The following MAN2A1 variants were observed in gnomAD, a reference collection of about 807,000 sequenced individuals.
MAN2A1 encodes alpha-mannosidase 2.
Under a neutral mutation model 142.6 loss-of-function variants are expected in MAN2A1, and 76 were observed. The ratio of observed to expected loss-of-function variants is 0.53; its 90% CI spans 0.44 to 0.65. The LOEUF (loss-of-function observed/expected upper bound fraction) is 0.65. Among genes scored for constraint, MAN2A1 ranks in the 30% least tolerant of loss-of-function variants. The pLI is 0.00. For missense variants in MAN2A1, 1,311 were observed against 1,365.1 expected, an observed-to-expected ratio of 0.96 and a Z score of 0.62; for synonymous variants, 559 against 473.2, an observed-to-expected ratio of 1.18 and a Z score of -2.35.
chr5:109,844,419 T>C (rs997413409), intron 17 of MAN2A1, among the ~76,000 whole-genome samples: 1 of 152,172 alleles, frequency 6.6e-6, no homozygotes, highest in African/African-American at 2.4e-5. Flanking sequence ...TAAGTTTACA[T>C]TTACAAGTTA....
intron 15 of MAN2A1, 113 bp downstream of exon 15, chr5:109,820,455 T>C: frequency 9.1e-7 from 1 of 1,104,760 alleles, no homozygotes; most frequent in Non-Finnish European, 1.3e-6. Flanking sequence ...TAGGGATAGA[T>C]GAACTTTTGG....
At chr5:109,728,829 C>A (rs902514527) in intron 3 of MAN2A1, among the ~76,000 whole-genome samples, 4 of 151,958 alleles carry the variant, frequency 2.6e-5, no homozygotes, top group Non-Finnish European at 5.9e-5. Context: ...GTGTAATTAC[C>A]TTATTGGTCT....
intron 1 of MAN2A1, among the ~76,000 whole-genome samples, chr5:109,706,708 G>A (rs1489193377): frequency 1.3e-5 from 2 of 152,012 alleles, no homozygotes; most frequent in African/African-American, 4.8e-5. Context: ...AGAACTTGAT[G>A]TGTTGGAGTG....
At chr5:109,731,557 T>A (rs1246041405) in intron 4 of MAN2A1, among the ~76,000 whole-genome samples, 33 of 125,874 alleles carry the variant, frequency 2.6e-4, no homozygotes, top group African/African-American at 8.9e-4. Flanking sequence ...TTCCCCTTCC[T>A]GTGTCCATGT....
intron 10 of MAN2A1, among the ~76,000 whole-genome samples, chr5:109,786,637 T>C (rs771682756): frequency 6.6e-6 from 1 of 152,052 alleles, no homozygotes; most frequent in Non-Finnish European, 1.5e-5. Context: ...CATAAACAAT[T>C]ACCAAGTCAT....
chr5:109,692,325 A>G (rs957201634), intron 1 of MAN2A1, among the ~76,000 whole-genome samples: 10 of 152,144 alleles, frequency 6.6e-5, no homozygotes, highest in Admixed American at 2.6e-4. Context: ...GTTGGTACTC[A>G]ACTGGGAGGT....
chr5:109,692,615 C>G (rs1452627197), intron 1 of MAN2A1, among the ~76,000 whole-genome samples: 1 of 152,162 alleles, frequency 6.6e-6, no homozygotes, highest in Admixed American at 6.5e-5. Flanking sequence ...GAACAGGTAG[C>G]CTTTGTAGCC....
At position 109,710,541 on chromosome 5, in the gene MAN2A1, A is replaced by G. The variant is rs192803266; in HGVS notation, c.136-2979A>G. On this transcript the variant is annotated intron_variant, in intron 1 of 21. Coordinates refer to ENST00000261483, the MANE Select transcript of MAN2A1 (RefSeq NM_002372.4). ...TTTTTTTGAGACGGAGTCTCGCTTTATCGCCTATGTTGGAGTGCAGTGATG... is the reference window on the plus strand; with the variant it reads ...TTTTTTTGAGACGGAGTCTCGCTTTGTCGCCTATGTTGGAGTGCAGTGATG... 8.4e-3 allele frequency among the ~76,000 whole-genome samples: 1,268 copies of G among 151,020 alleles called. 7 individuals carry two copies. The highest frequency in any genetic ancestry group is 0.014 in the South Asian group (65 of 4,794).
At chr5:109,785,262 A>G (rs1219921351) in intron 10 of MAN2A1, among the ~76,000 whole-genome samples, 7 of 152,074 alleles carry the variant, frequency 4.6e-5, no homozygotes, top group Non-Finnish European at 2.9e-5. Flanking sequence ...AATAAAACAT[A>G]GTTATAATGT....
intron 11 of MAN2A1, 31 bp from the exon 12 acceptor site, chr5:109,789,428 TA>T: frequency 7.3e-7 from 1 of 1,363,406 alleles, no homozygotes; most frequent in Non-Finnish European, 1.0e-6. Flanking sequence ...GAGTGTTAAG[TA>T]AAATTAAAAA....
intron 1 of MAN2A1, chr5:109,699,601 T>TTAAG (rs1554071613): frequency 6.6e-6 from 1 of 152,200 alleles, no homozygotes; most frequent in Admixed American, 6.6e-5. Context: ...ATTTGTCAGT[T>TTAAG]AGAGCTCGTT....
intron 12 of MAN2A1, among the ~76,000 whole-genome samples, chr5:109,800,995 T>G (rs1754013384): frequency 6.6e-6 from 1 of 152,198 alleles, no homozygotes; most frequent in Non-Finnish European, 1.5e-5. Flanking sequence ...AAAGGTGAAG[T>G]TTTTTGTACT....
chr5:109,801,819 C>G (rs1215284940), intron 12 of MAN2A1, among the ~76,000 whole-genome samples: 2 of 151,582 alleles, frequency 1.3e-5, no homozygotes, highest in African/African-American at 4.9e-5. Context: ...TATTCTAAAA[C>G]CAAAACATAA....
At chr5:109,773,073 C>A (rs557387141) in intron 7 of MAN2A1, among the ~76,000 whole-genome samples, 11 of 152,264 alleles carry the variant, frequency 7.2e-5, no homozygotes, top group African/African-American at 2.2e-4. Context: ...AAATCAGGAG[C>A]AAATTGCATC....
chr5:109,816,088 C>T (rs1754449981), intron 12 of MAN2A1, among the ~76,000 whole-genome samples: 1 of 152,102 alleles, frequency 6.6e-6, no homozygotes, highest in Non-Finnish European at 1.5e-5. Context: ...TGCTCACAGG[C>T]AAAGCCATGA....
At chr5:109,787,801 T>C (rs1753631882) in intron 10 of MAN2A1, among the ~76,000 whole-genome samples, 1 of 151,756 alleles carries the variant, frequency 6.6e-6, no homozygotes, top group African/African-American at 2.4e-5. Flanking sequence ...CTGAACCATA[T>C]TCGTATGGTG....
chr5:109,738,302 C>T (rs1282335309), intron 4 of MAN2A1, among the ~76,000 whole-genome samples: 1 of 143,898 alleles, frequency 6.9e-6, no homozygotes, highest in African/African-American at 2.6e-5. Flanking sequence ...TTCATTCATT[C>T]AACAGACACT....
At chr5:109,855,009 C>A (rs1755569467) in intron 19 of MAN2A1, 131 bp from the exon 20 acceptor site, 2 of 464,900 alleles carry the variant, frequency 4.3e-6, no homozygotes, top group Non-Finnish European at 7.3e-6. Flanking sequence ...TTTTCTAAGA[C>A]TGTTATTTAT....
intron 9 of MAN2A1, 150 bp downstream of exon 9, chr5:109,781,748 A>T: frequency 2.3e-6 from 1 of 438,558 alleles, no homozygotes; most frequent in Non-Finnish European, 3.9e-6. Context: ...TGAAATTTTA[A>T]TGCAATCAGA....
Sources: gnomAD v4.1 joint callset for allele counts (sites outside exome capture counted in the v4.1 genomes callset) on GRCh38, gnomAD v4.1.1 for gene constraint, MANE v1.5 for transcripts, NCBI Gene and HGNC (gene_info 2026-07-23, HGNC 2026-07-21) for gene names.